The following RGS7 variants were observed in gnomAD, a reference collection of about 807,000 sequenced individuals.
RGS7 encodes the protein regulator of G-protein signaling 7.
In RGS7, 27 loss-of-function variants were observed where a neutral mutation model predicts 81.1. The ratio of observed to expected loss-of-function variants is 0.33; its 90% CI spans 0.25 to 0.46. RGS7 has a LOEUF of 0.46. Ranked by LOEUF, RGS7 falls within the 20% of genes least tolerant of loss-of-function variation. RGS7 has a pLI of 1.00. For synonymous variants in RGS7, 208 were observed against 207.7 expected (o/e 1.00, Z -0.01); for missense variants, 396 against 607.4 (o/e 0.65, Z 3.66).
At chr1:240,955,312 G>A (rs981448752) in intron 4 of RGS7, among the ~76,000 whole-genome samples, 1 of 152,080 alleles carries the variant, frequency 6.6e-6, no homozygotes, top group African/African-American at 2.4e-5. Flanking sequence ...GTTGGCTTTA[G>A]GAGGCCGAGG....
At chr1:240,991,739 AGATATAACTATGAATTTT>A (rs1389033039) in intron 3 of RGS7, among the ~76,000 whole-genome samples, 1 of 152,256 alleles carries the variant, frequency 6.6e-6, no homozygotes, top group Non-Finnish European at 1.5e-5. Flanking sequence ...TAAAATGTTC[AGATATAACTATGAATTTT>A]GGGTCAGCTA....
chr1:241,219,640 C>A (rs1030565689), intron 2 of RGS7, among the ~76,000 whole-genome samples: 2 of 152,146 alleles, frequency 1.3e-5, no homozygotes, highest in South Asian at 2.1e-4. Flanking sequence ...TCAGGGATCA[C>A]TTTACAATGT....
intron 9 of RGS7, among the ~76,000 whole-genome samples, chr1:240,847,466 G>A (rs1480648674): frequency 3.3e-5 from 5 of 152,196 alleles, no homozygotes; most frequent in Non-Finnish European, 5.9e-5. Flanking sequence ...ACATAAAACT[G>A]TCATAGCTGT....
rs2062482361 is a variant in RGS7 at position 241,071,884 on chromosome 1, A to AAAAAAAAAAAC, written c.175+26781_175+26782insGTTTTTTTTTT. Among the ~76,000 whole-genome samples, 9 of 147,824 alleles carry AAAAAAAAAAAC rather than the reference A, an allele frequency of 6.1e-5. 1 individual carries two copies. The South Asian group carries it at 2.0e-3, about 33-fold the overall frequency. On this transcript the variant is annotated intron_variant, in intron 3 of 18. Transcript: ENST00000440928. Reference sequence around the variant, plus strand: ...AGAGTGAGACCCTGTCAAAAAAAAAAAAAAAAAAAAACAAGAAAGAAAGAA... The same window carrying AAAAAAAAAAAC: ...AGAGTGAGACCCTGTCAAAAAAAAAAAAAAAAAAAACAAAAAAAAAAACAAGAAAGAAAGAA...
intron 3 of RGS7, among the ~76,000 whole-genome samples, chr1:241,025,747 C>G (rs2059752407): frequency 6.6e-6 from 1 of 151,496 alleles, no homozygotes; most frequent in Non-Finnish European, 1.5e-5. Flanking sequence ...AAAGCTATCA[C>G]AGGAATCATT....
rs535049100 is a variant in RGS7, at chr1:241,030,817, A to T, written c.176-47688T>A. Among the ~76,000 whole-genome samples, 3 of 152,108 alleles carry T rather than the reference A, an allele frequency of 2.0e-5. No individual in the cohort carries two copies. The South Asian group carries it at 6.2e-4, about 32-fold the overall frequency. On this transcript the variant is annotated intron_variant, in intron 3 of 18. Transcript: ENST00000440928. ...CTCCTCTTAAAAAAATCCTCCCCAC[A>T]TGGTATTACACATGGAAACTGACAG...
At chr1:240,877,930 G>A (rs1446857087) in intron 6 of RGS7, among the ~76,000 whole-genome samples, 1 of 152,106 alleles carries the variant, frequency 6.6e-6, no homozygotes, top group Non-Finnish European at 1.5e-5. Flanking sequence ...GAGTTATTCT[G>A]TTAAGACATA....
rs1260931628 is a variant in RGS7, at chr1:240,814,793, G to C, written c.784-16C>G. On this transcript the variant is annotated splice_polypyrimidine_tract_variant and intron_variant, in intron 11 of 18. Coordinates refer to ENST00000440928, the MANE Select transcript of RGS7 (RefSeq NM_001364886.1). ...AATATTTTATCTGAAAAGAGGGTTA[G>C]AGAAGGAGTTACATAAGTAATGACA... is the stretch of plus-strand genomic sequence containing the variant. The C allele has an allele frequency of 6.7e-7, 1 of 1,499,924 alleles. No homozygotes were observed. The highest frequency in any genetic ancestry group is 1.1e-5 in the South Asian group (1 of 88,752). The allele number at this position is 1,499,924 out of a possible 1,614,324, so 92.9% of individuals were successfully genotyped here. A position where few individuals can be genotyped will look rare whatever the true frequency, so the allele number is the denominator to read the frequency against.
intron 3 of RGS7, among the ~76,000 whole-genome samples, chr1:241,003,501 G>T (rs2058526207): frequency 6.6e-6 from 1 of 151,086 alleles, no homozygotes; most frequent in Non-Finnish European, 1.5e-5. Flanking sequence ...CCAATACAAT[G>T]GATATCATGC....
At chr1:241,219,130 C>T (rs2074745869) in intron 2 of RGS7, among the ~76,000 whole-genome samples, 1 of 152,114 alleles carries the variant, frequency 6.6e-6, no homozygotes, top group Non-Finnish European at 1.5e-5. Context: ...CTTGTAATAA[C>T]TTCATAGACA....
intron 2 of RGS7, among the ~76,000 whole-genome samples, chr1:241,175,396 C>T (rs10926424): frequency 0.26 from 39,590 of 152,050 alleles, 5,392 homozygotes; most frequent in East Asian, 0.36. Context: ...TGGGACTTGT[C>T]TGGTTCTCTG....
chr1:241,254,414 G>A (rs887323295), intron 2 of RGS7, among the ~76,000 whole-genome samples: 4 of 152,000 alleles, frequency 2.6e-5, no homozygotes, highest in Non-Finnish European at 4.4e-5. Flanking sequence ...TATTTTTCAC[G>A]GTTCTGGAGG....
chr1:241,273,901 G>A (rs933137858), intron 2 of RGS7, among the ~76,000 whole-genome samples: 3 of 138,740 alleles, frequency 2.2e-5, no homozygotes, highest in African/African-American at 8.5e-5. Context: ...TGGGCAGACA[G>A]ATGCAGACTT....
intron 6 of RGS7, among the ~76,000 whole-genome samples, chr1:240,885,248 A>G (rs1558411649): frequency 1.3e-5 from 2 of 152,074 alleles, no homozygotes; most frequent in South Asian, 4.1e-4. Flanking sequence ...AAGTCAAAAA[A>G]CAACAGATGC....
intron 2 of RGS7, among the ~76,000 whole-genome samples, chr1:241,115,114 C>T (rs1484971857): frequency 6.6e-6 from 1 of 152,206 alleles, no homozygotes; most frequent in Non-Finnish European, 1.5e-5. Flanking sequence ...ATAGAAAATG[C>T]TGTAATCCTG....
intron 6 of RGS7, among the ~76,000 whole-genome samples, chr1:240,900,437 G>A (rs1669799196): frequency 6.6e-6 from 1 of 152,102 alleles, no homozygotes; most frequent in African/African-American, 2.4e-5. Context: ...ATCTACCTTT[G>A]GTCTTTGATG....
chr1:241,160,110 C>CAAAAAAAAA (rs369734662), intron 2 of RGS7, among the ~76,000 whole-genome samples: 1 of 56,150 alleles, frequency 1.8e-5, no homozygotes, highest in Non-Finnish European at 3.5e-5. Flanking sequence ...GACTCCATCT[C>CAAAAAAAAA]AAAAAAAAAA....
intron 9 of RGS7, among the ~76,000 whole-genome samples, chr1:240,855,516 G>C (rs1424501079): frequency 6.6e-6 from 1 of 151,014 alleles, no homozygotes; most frequent in Non-Finnish European, 1.5e-5. Flanking sequence ...CTGTGGCCTT[G>C]ACCTCCCGGG....
At chr1:241,013,840 T>C (rs1189845952) in intron 3 of RGS7, among the ~76,000 whole-genome samples, 2 of 152,236 alleles carry the variant, frequency 1.3e-5, no homozygotes, top group South Asian at 2.1e-4. Flanking sequence ...GACTCCACCA[T>C]ATCATGTTCG....
Sources: gnomAD v4.1 joint callset for allele counts (sites outside exome capture counted in the v4.1 genomes callset) on GRCh38, gnomAD v4.1.1 for gene constraint, MANE v1.5 for transcripts, NCBI Gene and HGNC (gene_info 2026-07-23, HGNC 2026-07-21) for gene names.